RNASEL: variants seen among roughly 807,000 people sequenced by gnomAD.
RNASEL encodes the protein ribonuclease L, also known as 2-5A-dependent ribonuclease.
RNASEL carries 36 observed loss-of-function variants against 50.9 expected under a neutral mutation model. The ratio of observed to expected loss-of-function variants is 0.71; its 90% CI spans 0.54 to 0.93. The LOEUF is 0.93. Among genes scored for constraint, RNASEL ranks in the 40% least tolerant of loss-of-function variants. The probability of loss-of-function intolerance (pLI) is 0.00; values close to 1 mark genes in which losing one functional copy is unlikely to be tolerated. For synonymous variants in RNASEL, 335 were observed against 335.6 expected (o/e 1.00, Z 0.02); for missense variants, 860 against 894.5 (o/e 0.96, Z 0.49).
Position 182,585,663 on chromosome 1 carries a change from C to T in RNASEL, c.1144G>A (p.Gly382Arg). Residue 382 changes from glycine to arginine, a missense_variant, in exon 2 of 7, where the codon GGG (glycine) becomes AGG (arginine). Gly to Arg is a moderately radical substitution (Grantham distance 125). Transcript: ENST00000367559. ...GCTACTTCTTGCTTCTCATAGAACC[C>T]CAGGTAGATGCCTCCTTCTGAAGTA... ...ADTSEGGIYLGFYEKQEVAVK... is the reference protein window; with the variant it reads ...ADTSEGGIYLRFYEKQEVAVK... 6.2e-7 allele frequency: 1 copy of T among 1,614,128 alleles called. No homozygotes were observed.
At chr1:182,579,188 T>C (rs1464568749) in intron 5 of RNASEL, 9 of 945,762 alleles carry the variant, frequency 9.5e-6, no homozygotes. Context: ...AATATATCCA[T>C]GTAACAAAAC....
chr1:182,582,315 G>A lies in RNASEL; in HGVS notation c.1567-57C>T, dbSNP rs1042750079. The A allele has an allele frequency of 6.3e-6, 10 of 1,592,904 alleles. No homozygotes were observed. In the Admixed American group the frequency reaches 1.7e-4, roughly 27 times the overall value. On this transcript the variant is annotated intron_variant, in intron 3 of 6. Coordinates refer to ENST00000367559, the MANE Select transcript of RNASEL (RefSeq NM_021133.4). ...GCTTACTAATTATTTGGGTAACCCT[G>A]GAAGGAGTGGTGCACGCTATTAGCA...
Position 182,582,230 on chromosome 1 carries a change from A to G in RNASEL, c.1595T>C (p.Val532Ala), listed in dbSNP as rs1227759171. Residue 532 changes from valine to alanine, a missense_variant, in exon 4 of 7, where the codon GTA becomes GCA. By Grantham distance (64) the Val-to-Ala change is moderately conservative. Coordinates refer to ENST00000367559, the MANE Select transcript of RNASEL (RefSeq NM_021133.4). ...CTCAAATGAGATGCTTCCCTTCTTT[A>G]CCACATAGAGGACCAGCCGTCCAAG... is the stretch of plus-strand genomic sequence containing the variant. Reference protein sequence around the residue: ...EDLGRLVLYVVKKGSISFEDL... With the variant: ...EDLGRLVLYVAKKGSISFEDL... 1.9e-6 allele frequency: 3 copies of G among 1,614,164 alleles called. No individual in the cohort carries two copies. The highest frequency in any genetic ancestry group is 1.7e-5 in the Admixed American group (1 of 60,030).
At position 182,574,059 on chromosome 1, in the gene RNASEL, T is replaced by G. The variant is rs1481550769; in HGVS notation, c.*1333A>C. 4.9e-6 allele frequency: 1 copy of G among 204,896 alleles called. No homozygotes were observed. Among genetic ancestry groups the G allele is most frequent in the African/African-American group, 2.3e-5 (1 of 43,804 alleles). The allele number at this position is 204,896 out of a possible 1,614,324, so 12.7% of individuals were successfully genotyped here. On this transcript the variant is annotated 3_prime_UTR_variant, in exon 7 of 7. Coordinates refer to ENST00000367559, the MANE Select transcript of RNASEL (RefSeq NM_021133.4). ...AAAATAGGGATAACAATGTTGACCT[T>G]AAAGGATTGTTTTGAAAATTAAATA...
chr1:182,578,892 C>G (rs1445213288), intron 5 of RNASEL: 1 of 152,152 alleles, frequency 6.6e-6, no homozygotes, highest in Non-Finnish European at 1.5e-5. Flanking sequence ...CCATTTCAGC[C>G]ATAAAAAAGA....
intron 5 of RNASEL, chr1:182,577,060 T>G (rs183647666): frequency 0.093 from 13,822 of 149,168 alleles, 797 homozygotes; most frequent in Middle Eastern, 0.13. Flanking sequence ...TTTTTTTGTA[T>G]TTTTAGTAGA....
intron 3 of RNASEL, 112 bp downstream of exon 3, chr1:182,583,969 C>G: frequency 1.2e-6 from 1 of 812,954 alleles, no homozygotes; most frequent in South Asian, 1.4e-5. Flanking sequence ...AATAAACTCC[C>G]TTTCATATAT....
In RNASEL at chr1:182,584,589, G is replaced by A. The variant is rs147002678; in HGVS notation, c.1481-423C>T. On this transcript the variant is annotated intron_variant, in intron 2 of 6. Coordinates refer to ENST00000367559, the MANE Select transcript of RNASEL (RefSeq NM_021133.4). ...AGAACAGCCTTTCCTGAGCACCTAT[G>A]ATGTACCAAATGACTTACTATTTCA... is the stretch of plus-strand genomic sequence containing the variant. Among the ~76,000 whole-genome samples, 244 of 152,292 alleles carry A rather than the reference G, an allele frequency of 1.6e-3. 1 individual carries two copies. Among genetic ancestry groups the A allele is most frequent in the African/African-American group, 5.3e-3 (219 of 41,558 alleles).
Position 182,574,133 on chromosome 1 carries a change from C to T in RNASEL, c.*1259G>A, listed in dbSNP as rs1399191992. 4 of 218,436 alleles carry T rather than the reference C, an allele frequency of 1.8e-5. No homozygotes were observed. Among genetic ancestry groups the T allele is most frequent in the Middle Eastern group, 1.4e-3 (1 of 692 alleles). 13.5% of individuals were successfully genotyped at this position (218,436 alleles called of 1,614,324 possible). On this transcript the variant is annotated 3_prime_UTR_variant, in exon 7 of 7. Coordinates refer to ENST00000367559, the MANE Select transcript of RNASEL (RefSeq NM_021133.4). ...TATACATTATAAAGCACCAGAAAAA[C>T]GTAAGACAGTATTATTATTCATGTA... is the stretch of plus-strand genomic sequence containing the variant.
rs1283661175 is a variant in RNASEL, at chr1:182,585,967, A to G, written c.840T>C (p.Ala280=). 1 of 1,614,040 alleles carries G rather than the reference A, an allele frequency of 6.2e-7. No individual in the cohort carries two copies. The change falls in exon 2 of 7, where the codon GCT becomes GCC. Residue 280 remains alanine, a synonymous_variant. Coordinates refer to ENST00000367559, the MANE Select transcript of RNASEL (RefSeq NM_021133.4). ...DSDGKTALLL[A]VELKLKKIAE... ...CGATTTTCTTCAGTTTGAGTTCAAC[A>G]GCAAGCAGCAGTGCTGTTTTGCCAT...
Position 182,575,381 on chromosome 1 carries a change from A to G in RNASEL, c.*11T>C, listed in dbSNP as rs750995820. 6.2e-7 allele frequency: 1 copy of G among 1,613,708 alleles called. No individual in the cohort carries two copies. ...AATAAGTAGTTCCCTGAACTCCAGC[A>G]AATCAGTCCATCAGCACCCAGGGCT... is the stretch of plus-strand genomic sequence containing the variant. On this transcript the variant is annotated 3_prime_UTR_variant, in exon 7 of 7. Coordinates refer to ENST00000367559, the MANE Select transcript of RNASEL (RefSeq NM_021133.4).
chr1:182,576,406 T>TAACACAAAAATGTGGTAGC lies in RNASEL; in HGVS notation c.1906-36_1906-18dup. On this transcript the variant is annotated splice_polypyrimidine_tract_variant and intron_variant, in intron 5 of 6. Coordinates refer to ENST00000367559, the MANE Select transcript of RNASEL (RefSeq NM_021133.4). ...TTCATTAATCTAAAAAAACAAAAAA[T>TAACACAAAAATGTGGTAGC]AACACAAAAATGTGGTAGCAACACA... 6.5e-7 allele frequency: 1 copy of TAACACAAAAATGTGGTAGC among 1,537,260 alleles called. No individual in the cohort carries two copies. The highest frequency in any genetic ancestry group is 9.0e-7 in the Non-Finnish European group (1 of 1,117,316).
intron 5 of RNASEL, among the ~76,000 whole-genome samples, chr1:182,577,193 A>G (rs1661406055): frequency 6.6e-6 from 1 of 152,034 alleles, no homozygotes; most frequent in African/African-American, 2.4e-5. Flanking sequence ...AAAAATTAAA[A>G]AAATTTTAAA....
At chr1:182,584,437 C>T (rs565957514) in intron 2 of RNASEL, among the ~76,000 whole-genome samples, 2 of 152,270 alleles carry the variant, frequency 1.3e-5, no homozygotes, top group African/African-American at 4.8e-5. Flanking sequence ...ATTTAACCAG[C>T]TCCTCGTTCA....
At chr1:182,580,511 A>G (rs1177791640) in intron 5 of RNASEL, among the ~76,000 whole-genome samples, 1 of 152,202 alleles carries the variant, frequency 6.6e-6, no homozygotes, top group East Asian at 1.9e-4. Flanking sequence ...CCACAGCATC[A>G]TTTCCATGGG....
rs74599944 is a variant in RNASEL, at chr1:182,581,210, A to G, written c.1905+15T>C. 475 of 1,614,180 alleles carry G rather than the reference A, an allele frequency of 2.9e-4. 1 individual carries two copies. In the African/African-American group the frequency reaches 5.4e-3, roughly 18 times the overall value. Reference sequence around the variant, plus strand: ...ATTCCTGGACTAACCCCTGCACTATAGGAATTGTTCATACCTTAGTCGTCC... The same window carrying G: ...ATTCCTGGACTAACCCCTGCACTATGGGAATTGTTCATACCTTAGTCGTCC... On this transcript the variant is annotated intron_variant, in intron 5 of 6. Coordinates refer to ENST00000367559, the MANE Select transcript of RNASEL (RefSeq NM_021133.4).
chr1:182,583,737 C>T (rs902041259), intron 3 of RNASEL, among the ~76,000 whole-genome samples: 1 of 152,208 alleles, frequency 6.6e-6, no homozygotes, highest in Non-Finnish European at 1.5e-5. Flanking sequence ...TGCCCTCAAA[C>T]ATCAGTATCC....
chr1:182,585,595 T>C lies in RNASEL; in HGVS notation c.1212A>G (p.Glu404=). The change falls in exon 2 of 7, where the codon GAA becomes GAG. Residue 404 remains glutamate (E), a synonymous_variant. Coordinates refer to ENST00000367559, the MANE Select transcript of RNASEL (RefSeq NM_021133.4). ...CTCGGCTGCTTTGCAGACAAGAGAC[T>C]TCCCGCTGTGCACGTGGGCTGCCCT... ...FCEGSPRAQR[E]VSCLQSSREN... 1 of 1,614,204 alleles carries C rather than the reference T, an allele frequency of 6.2e-7. No individual in the cohort carries two copies. The highest frequency in any genetic ancestry group is 8.5e-7 in the Non-Finnish European group (1 of 1,180,036).
intron 5 of RNASEL, chr1:182,579,207 T>C: frequency 3.3e-5 from 32 of 976,910 alleles, no homozygotes; most frequent in Non-Finnish European, 3.9e-5. Context: ...ACTATACTAG[T>C]ACCCTCTAAA....
Sources: gnomAD v4.1 joint callset for allele counts (sites outside exome capture counted in the v4.1 genomes callset) on GRCh38, gnomAD v4.1.1 for gene constraint, MANE v1.5 for transcripts, NCBI Gene and HGNC (gene_info 2026-07-23, HGNC 2026-07-21) for gene names.